CLEC4D: variants seen among roughly 807,000 people sequenced by gnomAD.
CLEC4D encodes the protein C-type (calcium dependent, carbohydrate-recognition domain) lectin, superfamily member 8.
In CLEC4D, 21 loss-of-function variants were observed where a neutral mutation model predicts 21.1. The ratio of observed to expected loss-of-function variants is 1.00; its 90% CI spans 0.71 to 1.43. The LOEUF is 1.43. CLEC4D is among the 40% of genes most tolerant of loss of function. The pLI is 0.00. For synonymous variants in CLEC4D, 85 were observed against 83.1 expected (o/e 1.02, Z -0.12); for missense variants, 289 against 260.7 (o/e 1.11, Z -0.75).
In CLEC4D at chr12:8,520,170, C is replaced by T. The variant is rs746818014; in HGVS notation, c.385-56C>T. On this transcript the variant is annotated intron_variant, in intron 4 of 5. Coordinates refer to ENST00000299665, the MANE Select transcript of CLEC4D (RefSeq NM_080387.5). Reference sequence around the variant, plus strand: ...GTTGACATATTTCCTCTTTTTCCAACATCATAGCCATCACCTGATTCATGC... The same window carrying T: ...GTTGACATATTTCCTCTTTTTCCAATATCATAGCCATCACCTGATTCATGC... 5.7e-6 allele frequency: 9 copies of T among 1,589,548 alleles called. No individual in the cohort carries two copies. The African/African-American group carries it at 9.4e-5, about 17-fold the overall frequency.
At chr12:8,529,822 T>A in the CLEC4D span, among the ~76,000 whole-genome samples, 1 of 152,108 alleles carries the variant, frequency 6.6e-6, no homozygotes, top group Non-Finnish European at 1.5e-5. Flanking sequence ...TATTCTTGTT[T>A]TCATTAGTGT....
Position 8,513,685 on chromosome 12 carries a change from G to A in CLEC4D, c.-48G>A. 2.2e-6 allele frequency: 2 copies of A among 896,776 alleles called. No individual in the cohort carries two copies. The highest frequency in any genetic ancestry group is 1.3e-5 in the South Asian group (1 of 75,086). 55.6% of individuals were successfully genotyped at this position (896,776 alleles called of 1,614,324 possible). A position where few individuals can be genotyped will look rare whatever the true frequency, so the allele number is the denominator to read the frequency against. On this transcript the variant is annotated 5_prime_UTR_variant, in exon 1 of 6. An upstream open reading frame in the 5' UTR loses its in-frame stop. Transcript: ENST00000299665. ...AATATACTCTGGGGGAAAAAAAATAGAACAAATTCTTGCCGTCCTGACCAT... is the reference window on the plus strand; with the variant it reads ...AATATACTCTGGGGGAAAAAAAATAAAACAAATTCTTGCCGTCCTGACCAT...
At chr12:8,528,462 A>C in the CLEC4D span, among the ~76,000 whole-genome samples, 1 of 152,176 alleles carries the variant, frequency 6.6e-6, no homozygotes, top group African/African-American at 2.4e-5. Context: ...CTAGTCTCAG[A>C]TATCCTGTTA....
At chr12:8,517,369 T>A (rs1940394052) in intron 2 of CLEC4D, among the ~76,000 whole-genome samples, 1 of 152,162 alleles carries the variant, frequency 6.6e-6, no homozygotes, top group Non-Finnish European at 1.5e-5. Flanking sequence ...TACATATGCA[T>A]ACATGTGCCA....
chr12:8,527,428 C>G, the CLEC4D span, among the ~76,000 whole-genome samples: 1 of 152,170 alleles, frequency 6.6e-6, no homozygotes, highest in African/African-American at 2.4e-5. Flanking sequence ...GCCCTGCCCC[C>G]TGAGGAAGGC....
intron 2 of CLEC4D, 79 bp downstream of exon 2, chr12:8,515,407 G>A (rs998339486): frequency 2.5e-6 from 2 of 792,086 alleles, no homozygotes; most frequent in South Asian, 1.4e-5. Context: ...TAAGCCTTTT[G>A]GTATCTTGAT....
At chr12:8,529,242 T>C in the CLEC4D span, among the ~76,000 whole-genome samples, 1 of 152,198 alleles carries the variant, frequency 6.6e-6, no homozygotes, top group African/African-American at 2.4e-5. Flanking sequence ...ATGGAATGCA[T>C]TTGAATGAAT....
At chr12:8,520,191 C>G (rs373513355) in intron 4 of CLEC4D, 35 bp from the exon 5 acceptor site, 60 of 1,607,448 alleles carry the variant, frequency 3.7e-5, no homozygotes, top group Non-Finnish European at 4.8e-5. Flanking sequence ...TCACCTGATT[C>G]ATGCAACTAT....
intron 4 of CLEC4D, 73 bp downstream of exon 4, chr12:8,519,233 C>T (rs1373616598): frequency 6.6e-7 from 1 of 1,525,160 alleles, no homozygotes; most frequent in African/African-American, 1.4e-5. Flanking sequence ...ATTTCTCTGT[C>T]CTGTTATGCC....
At chr12:8,518,308 C>A in intron 3 of CLEC4D, 34 bp downstream of exon 3, 1 of 839,036 alleles carries the variant, frequency 1.2e-6, no homozygotes, top group South Asian at 1.4e-5. Context: ...TTTTTAATTT[C>A]CATTTTCGTT....
the CLEC4D span, among the ~76,000 whole-genome samples, chr12:8,527,734 C>A: frequency 6.6e-6 from 1 of 152,204 alleles, no homozygotes; most frequent in African/African-American, 2.4e-5. Flanking sequence ...GCTCCCCCAC[C>A]CCCAGGAGTT....
chr12:8,527,878 G>A, the CLEC4D span, among the ~76,000 whole-genome samples: 1 of 152,150 alleles, frequency 6.6e-6, no homozygotes, highest in Non-Finnish European at 1.5e-5. Context: ...CGTGGAAAAA[G>A]CACAGTTTCC....
At chr12:8,530,307 G>T in the CLEC4D span, among the ~76,000 whole-genome samples, 3 of 151,978 alleles carry the variant, frequency 2.0e-5, no homozygotes, top group Non-Finnish European at 4.4e-5. Context: ...GGCATTCCTA[G>T]CCAGCTCAAT....
At chr12:8,516,540 C>A (rs1322163007) in intron 2 of CLEC4D, among the ~76,000 whole-genome samples, 9 of 152,212 alleles carry the variant, frequency 5.9e-5, no homozygotes, top group African/African-American at 2.2e-4. Flanking sequence ...GCAAATGCAA[C>A]TCACAGTGAG....
rs760606093 is a variant in CLEC4D at position 8,520,272 on chromosome 12, G to A, written c.431G>A (p.Gly144Glu). The change falls in exon 5 of 6, where the codon GGA becomes GAA. Residue 144 changes from glycine (G) to glutamate (E), a missense_variant. By Grantham distance (98) the Gly-to-Glu change is moderately conservative. Coordinates refer to ENST00000299665, the MANE Select transcript of CLEC4D (RefSeq NM_080387.5). ...GATAGACGGCTTTCCTATTTCCTTG[G>A]ACTTAGAGATGAGAATGCCAAAGGT... ...FLDRRLSYFL[G>E]LRDENAKGQW... 3.3e-5 allele frequency: 54 copies of A among 1,613,866 alleles called. No individual in the cohort carries two copies. Among genetic ancestry groups the A allele is most frequent in the Non-Finnish European group, 4.5e-5 (53 of 1,179,884 alleles).
chr12:8,521,395 T>C lies in CLEC4D; in HGVS notation c.*124T>C. ...GTTCATACAGCGTTTTTAGTCATAA[T>C]GGTCTTTTTTATTTTGTTTGATTCA... is the stretch of plus-strand genomic sequence containing the variant. On this transcript the variant is annotated 3_prime_UTR_variant, in exon 6 of 6. Transcript: ENST00000299665. 4 of 1,446,682 alleles carry C rather than the reference T, an allele frequency of 2.8e-6. No individual in the cohort carries two copies. The highest frequency in any genetic ancestry group is 3.6e-6 in the Non-Finnish European group (4 of 1,103,616). 89.6% of individuals were successfully genotyped at this position (1,446,682 alleles called of 1,614,324 possible).
At chr12:8,531,499 G>C in the CLEC4D span, among the ~76,000 whole-genome samples, 3 of 152,040 alleles carry the variant, frequency 2.0e-5, no homozygotes, top group Admixed American at 6.5e-5. Flanking sequence ...ATCTATAAAG[G>C]CTGTAACATT....
Position 8,518,201 on chromosome 12 carries a change from A to T in CLEC4D, c.159A>T (p.Thr53=). The part of the protein sequence containing the change: ...HHNFSRCKRG[T]GVHKLEHHAK... ...ACTTTTCACGCTGTAAGAGAGGCACAGGAGTGCACAAGTTAGAGCACCATG... is the reference window on the plus strand; with the variant it reads ...ACTTTTCACGCTGTAAGAGAGGCACTGGAGTGCACAAGTTAGAGCACCATG... Residue 53 remains threonine (T), a synonymous_variant, in exon 3 of 6, where the codon ACA becomes ACT. Transcript: ENST00000299665. The T allele has an allele frequency of 7.1e-7, 1 of 1,415,616 alleles. No individual in the cohort carries two copies. The highest frequency in any genetic ancestry group is 1.0e-6 in the Non-Finnish European group (1 of 999,046). 87.7% of individuals were successfully genotyped at this position (1,415,616 alleles called of 1,614,324 possible).
At chr12:8,527,251 C>G (rs900872486), downstream of CLEC4D, among the ~76,000 whole-genome samples, 2 of 152,168 alleles carry the variant, frequency 1.3e-5, no homozygotes, top group Admixed American at 1.3e-4. Context: ...TGGGGTTAAA[C>G]CCACTCATCT....
Sources: allele counts gnomAD v4.1 joint callset (sites outside exome capture counted in the v4.1 genomes callset), GRCh38; gene constraint gnomAD v4.1.1; transcripts MANE v1.5; gene names NCBI Gene and HGNC (gene_info 2026-07-23, HGNC 2026-07-21).